The following DDHD2 variants were observed in gnomAD, a reference collection of about 807,000 sequenced individuals.
DDHD2 encodes triacylglycerol hydrolase DDHD2.
A neutral mutation model predicts 91.2 loss-of-function variants in DDHD2; 62 were observed. The observed-to-expected ratio is 0.68, with a 90% CI of 0.55 to 0.84. The LOEUF is 0.84. DDHD2 is among the 40% of genes least tolerant of loss of function. The pLI is 0.00. For missense variants in DDHD2, 740 were observed against 846.9 expected, an observed-to-expected ratio of 0.87 and a Z score of 1.57; for synonymous variants, 271 against 293.9, an observed-to-expected ratio of 0.92 and a Z score of 0.80.
rs1804634510 is a variant in DDHD2 at position 38,235,407 on chromosome 8, T to A, written c.411+823T>A. On this transcript the variant is annotated intron_variant, in intron 3 of 17. Transcript: ENST00000397166. Reference sequence around the variant, plus strand: ...TTTTAAAATACGATGGAAATGGTTGTGGTGTTTTAAGGTGTAAAAAAAGAA... The same window carrying A: ...TTTTAAAATACGATGGAAATGGTTGAGGTGTTTTAAGGTGTAAAAAAAGAA... Among the ~76,000 whole-genome samples, 5 of 152,012 alleles carry A rather than the reference T, an allele frequency of 3.3e-5. 1 individual carries two copies. The South Asian group carries it at 1.0e-3, about 32-fold the overall frequency.
chr8:38,236,728 C>G (rs1563298663), intron 3 of DDHD2, among the ~76,000 whole-genome samples: 1 of 152,084 alleles, frequency 6.6e-6, no homozygotes, highest in Non-Finnish European at 1.5e-5. Flanking sequence ...TCATGTTGGT[C>G]AGGCTGGTCT....
rs1470779387 is a variant in DDHD2, at chr8:38,231,770, C to T, written c.-98C>T. ...AGGTTCCGCCCTGCTCCGCCGCGCCCCGCCCGGGCTGGGGTAAAGGCCGCG... is the reference window on the plus strand; with the variant it reads ...AGGTTCCGCCCTGCTCCGCCGCGCCTCGCCCGGGCTGGGGTAAAGGCCGCG... On this transcript the variant is annotated 5_prime_UTR_variant, in exon 1 of 18. Coordinates refer to ENST00000397166, the MANE Select transcript of DDHD2 (RefSeq NM_015214.3). 1 of 152,188 alleles carries T rather than the reference C, an allele frequency of 6.6e-6. No homozygotes were observed. The highest frequency in any genetic ancestry group is 1.9e-4 in the East Asian group (1 of 5,180). The allele number at this position is 152,188 out of a possible 1,614,324, so 9.4% of individuals were successfully genotyped here.
rs750941346 is a variant in DDHD2, at chr8:38,234,494, A to G, written c.321A>G (p.Ala107=). ...MRYAVYWDEL[A]SEVRRCTWFY... ...ATGCTGTATACTGGGATGAACTGGCATCGGAAGTGAGACGATGTACGTGGT... is the reference window on the plus strand; with the variant it reads ...ATGCTGTATACTGGGATGAACTGGCGTCGGAAGTGAGACGATGTACGTGGT... Residue 107 remains alanine, a synonymous_variant, in exon 3 of 18, where the codon GCA becomes GCG. Transcript: ENST00000397166. 26 of 1,613,390 alleles carry G rather than the reference A, an allele frequency of 1.6e-5. No individual in the cohort carries two copies. The highest frequency in any genetic ancestry group is 2.0e-5 in the Non-Finnish European group (24 of 1,179,916).
At chr8:38,237,826 T>C (rs967378472) in intron 4 of DDHD2, among the ~76,000 whole-genome samples, 199 bp downstream of exon 4, 1 of 152,230 alleles carries the variant, frequency 6.6e-6, no homozygotes, top group Non-Finnish European at 1.5e-5. Context: ...AATTTTCTTA[T>C]GGAAAATTAT....
chr8:38,251,830 A>G (rs1806132921), intron 11 of DDHD2, 82 bp from the exon 12 acceptor site: 2 of 931,168 alleles, frequency 2.1e-6, no homozygotes, highest in Non-Finnish European at 3.4e-6. Context: ...CTACCTACCT[A>G]CCTCAGGGTC....
At chr8:38,271,601 A>G (rs1352966906), downstream of DDHD2, 1 of 152,244 alleles carries the variant, frequency 6.6e-6, no homozygotes, top group African/African-American at 2.4e-5. Flanking sequence ...ACAAATAACC[A>G]GAGACCAATT....
intron 7 of DDHD2, among the ~76,000 whole-genome samples, chr8:38,243,750 T>C (rs1324327059): frequency 6.6e-6 from 1 of 151,496 alleles, no homozygotes; most frequent in East Asian, 1.9e-4. Flanking sequence ...TGCCCCAGCC[T>C]CCCAAGTACT....
chr8:38,252,716 A>G lies in DDHD2; in HGVS notation c.1618-6A>G, dbSNP rs745477461. ...GGTAAATGTAGCTCTTGTTTTTCCT[A>G]TGTAGTTTGATCCTGTGGCCTATAG... On this transcript the variant is annotated splice_polypyrimidine_tract_variant and splice_region_variant and intron_variant, in intron 13 of 17. Coordinates refer to ENST00000397166, the MANE Select transcript of DDHD2 (RefSeq NM_015214.3). 17 of 1,606,782 alleles carry G rather than the reference A, an allele frequency of 1.1e-5. No homozygotes were observed. Among genetic ancestry groups the G allele is most frequent in the East Asian group, 4.5e-5 (2 of 44,830 alleles).
intron 3 of DDHD2, among the ~76,000 whole-genome samples, 196 bp from the exon 4 acceptor site, chr8:38,237,342 A>T (rs1585704861): frequency 6.6e-6 from 1 of 151,954 alleles, no homozygotes; most frequent in South Asian, 2.1e-4. Flanking sequence ...TGCCACTGCA[A>T]CCCAGCCTGG....
chr8:38,239,464 C>T (rs1475488817), intron 5 of DDHD2, among the ~76,000 whole-genome samples: 6 of 150,588 alleles, frequency 4.0e-5, no homozygotes, highest in African/African-American at 9.8e-5. Flanking sequence ...GAGGCTGAGG[C>T]GGGCGGGTCA....
At chr8:38,269,873 A>C (rs1261041440) in intron 1 of DDHD2, 1 of 152,270 alleles carries the variant, frequency 6.6e-6, no homozygotes, top group African/African-American at 2.4e-5. Context: ...TATAATGTAC[A>C]AAAATTATAT....
Position 38,253,053 on chromosome 8 carries a change from A to AG in DDHD2, c.1817_1818insG (p.Tyr606Ter), listed in dbSNP as rs765248496. ...MAWKSFTRAP[Y>*]PALQASETPE... Reference sequence around the variant, plus strand: ...TGGAAGTCTTTTACCAGAGCTCCATACCCTGCCTTACAAGCTTCAGAAACA... The same window carrying AG: ...TGGAAGTCTTTTACCAGAGCTCCATAGCCCTGCCTTACAAGCTTCAGAAACA... Residue 606 changes from tyrosine (Y) to a stop codon, truncating the protein, a stop_gained and frameshift_variant, in exon 15 of 18, where the codon TAC becomes TAGC. Transcript: ENST00000397166. LOFTEE classifies it high-confidence loss of function. 1 of 1,614,150 alleles carries AG rather than the reference A, an allele frequency of 6.2e-7. No homozygotes were observed. Among genetic ancestry groups the AG allele is most frequent in the South Asian group, 1.1e-5 (1 of 91,088 alleles).
chr8:38,245,776 C>A lies in DDHD2; in HGVS notation c.883C>A (p.Arg295Ser), dbSNP rs747136432. ...LQRITLPSINRLRHFTNDTIL... is the reference protein window; with the variant it reads ...LQRITLPSINSLRHFTNDTIL... ...GCGAATAACCCTGCCCAGCATTAAC[C>A]GCCTCAGGCACTTCACCAATGACAC... is the stretch of plus-strand genomic sequence containing the variant. Residue 295 changes from arginine (R) to serine (S), a missense_variant, in exon 8 of 18, where the codon CGC becomes AGC. Around this residue, in one of 2 missense-constraint regions of DDHD2, gnomAD observed 693 missense variants for 764.2 expected, o/e 0.91. Transcript: ENST00000397166. 6.2e-7 allele frequency: 1 copy of A among 1,614,086 alleles called. No homozygotes were observed. The highest frequency in any genetic ancestry group is 1.1e-5 in the South Asian group (1 of 91,090).
At chr8:38,266,143 T>G (rs771683268), downstream of DDHD2, 1 of 1,613,960 alleles carries the variant, frequency 6.2e-7, no homozygotes, top group South Asian at 1.1e-5. Flanking sequence ...TTGCTTACCT[T>G]GCCAGTGATG....
At chr8:38,234,743 T>C (rs1804569452) in intron 3 of DDHD2, among the ~76,000 whole-genome samples, 159 bp downstream of exon 3, 1 of 152,106 alleles carries the variant, frequency 6.6e-6, no homozygotes, top group African/African-American at 2.4e-5. Context: ...CAAGCAAGTT[T>C]CAGGATAAAG....
chr8:38,252,384 C>A, intron 13 of DDHD2, 97 bp downstream of exon 13: 1 of 1,376,190 alleles, frequency 7.3e-7, no homozygotes, highest in Non-Finnish European at 9.9e-7. Context: ...TTTTCCTATT[C>A]CATTGTCTAG....
Position 38,251,912 on chromosome 8 carries a change from G to A in DDHD2, c.1345G>A (p.Gly449Ser). 2 of 1,610,248 alleles carry A rather than the reference G, an allele frequency of 1.2e-6. 1 individual carries two copies. Reference protein sequence around the residue: ...NYFSTRKNSMGIKRPAPQPAS... With the variant: ...NYFSTRKNSMSIKRPAPQPAS... ...CACATAACTATTTTTTATTCTTTAG[G>A]GTATTAAGAGACCAGCCCCGCAGCC... Residue 449 changes from glycine to serine, a missense_variant and splice_region_variant, in exon 12 of 18, where the codon GGT (glycine) becomes AGT (serine). Physicochemically the swap from Gly to Ser is moderately conservative, Grantham distance 56. Transcript: ENST00000397166.
chr8:38,268,404 C>T, intron 1 of DDHD2: 1 of 1,575,024 alleles, frequency 6.3e-7, no homozygotes, highest in Non-Finnish European at 8.6e-7. Context: ...CTTGTGTCTG[C>T]CTTCTTGAGA....
Position 38,260,030 on chromosome 8 carries a change from C to T in DDHD2, c.2055-10C>T, listed in dbSNP as rs1439655241. On this transcript the variant is annotated splice_polypyrimidine_tract_variant and intron_variant, in intron 16 of 17. Transcript: ENST00000397166. ...GTTCCTTTTCTCAACATAATTTTTT[C>T]TCTTTATAGGGAGTCTGAAGATACA... 2 of 1,583,590 alleles carry T rather than the reference C, an allele frequency of 1.3e-6. No individual in the cohort carries two copies. The highest frequency in any genetic ancestry group is 1.7e-6 in the Non-Finnish European group (2 of 1,154,790).
Sources: gnomAD v4.1 joint callset for allele counts (sites outside exome capture counted in the v4.1 genomes callset) on GRCh38, gnomAD v4.1.1 for gene constraint, gnomAD v4.1.1 regional missense constraint, MANE v1.5 for transcripts, NCBI Gene and HGNC (gene_info 2026-07-23, HGNC 2026-07-21) for gene names.